The following CACNA2D3 variants were observed in gnomAD, a reference collection of about 807,000 sequenced individuals.
The protein encoded by CACNA2D3 is calcium voltage-gated channel auxiliary subunit alpha2delta 3.
A neutral mutation model predicts 160.6 loss-of-function variants in CACNA2D3; 60 were observed. That is an observed-to-expected ratio of 0.37 (90% CI 0.30 to 0.46). The LOEUF is 0.46. Among genes scored for constraint, CACNA2D3 ranks in the 20% least tolerant of loss-of-function variants. The pLI is 1.00. For missense variants in CACNA2D3, 1,205 were observed against 1,365.0 expected, an observed-to-expected ratio of 0.88 and a Z score of 1.85; for synonymous variants, 558 against 492.9, an observed-to-expected ratio of 1.13 and a Z score of -1.75.
intron 31 of CACNA2D3, among the ~76,000 whole-genome samples, chr3:54,997,531 T>G (rs1424134945): frequency 6.6e-6 from 1 of 151,802 alleles, no homozygotes; most frequent in Non-Finnish European, 1.5e-5. Context: ...ATCCAGCACG[T>G]GAAACCTCAT....
intron 4 of CACNA2D3, among the ~76,000 whole-genome samples, chr3:54,486,635 T>C (rs1212380993): frequency 2.6e-5 from 4 of 152,168 alleles, no homozygotes; most frequent in African/African-American, 9.7e-5. Context: ...AGAAGAATGA[T>C]CTCTGTGTGG....
chr3:54,755,032 T>C (rs1287325562), intron 12 of CACNA2D3, among the ~76,000 whole-genome samples: 2 of 152,204 alleles, frequency 1.3e-5, no homozygotes, highest in African/African-American at 2.4e-5. Flanking sequence ...TAGATAGACC[T>C]TCCGTACTAT....
At chr3:54,227,201 A>G (rs1215098549) in intron 2 of CACNA2D3, among the ~76,000 whole-genome samples, 1 of 150,212 alleles carries the variant, frequency 6.7e-6, no homozygotes, top group East Asian at 1.9e-4. Context: ...GGGGTTAACA[A>G]TATGTTACTG....
At chr3:54,871,472 A>T in intron 17 of CACNA2D3, 67 bp from the exon 18 acceptor site, 2 of 1,229,620 alleles carry the variant, frequency 1.6e-6, no homozygotes, top group Non-Finnish European at 2.4e-6. Flanking sequence ...GGGAAGGTAA[A>T]GATTGCCCTG....
chr3:54,424,242 C>G (rs925034364), intron 4 of CACNA2D3, among the ~76,000 whole-genome samples: 2 of 152,180 alleles, frequency 1.3e-5, no homozygotes, highest in African/African-American at 4.8e-5. Context: ...GCTATGGGAC[C>G]TTCCCACAGC....
chr3:54,707,138 A>G (rs765546522), intron 11 of CACNA2D3, among the ~76,000 whole-genome samples: 22 of 152,234 alleles, frequency 1.4e-4, no homozygotes, highest in Non-Finnish European at 2.6e-4. Flanking sequence ...TATTGTCATT[A>G]GAGCATTTCC....
At chr3:54,354,232 G>A (rs1320621154) in intron 3 of CACNA2D3, among the ~76,000 whole-genome samples, 2 of 152,136 alleles carry the variant, frequency 1.3e-5, no homozygotes, top group Non-Finnish European at 2.9e-5. Context: ...CACTTTATGA[G>A]TCTGCTGCAA....
At chr3:54,750,288 A>G (rs998260739) in intron 11 of CACNA2D3, among the ~76,000 whole-genome samples, 1 of 152,068 alleles carries the variant, frequency 6.6e-6, no homozygotes, top group African/African-American at 2.4e-5. Flanking sequence ...ATGAAGATAG[A>G]CTCATAGCTT....
chr3:54,806,013 TA>T (rs1703111683), intron 13 of CACNA2D3, among the ~76,000 whole-genome samples: 2 of 152,268 alleles, frequency 1.3e-5, no homozygotes, highest in East Asian at 3.9e-4. Context: ...CCCTTCATGC[TA>T]AAAACTCTCA....
intron 35 of CACNA2D3, among the ~76,000 whole-genome samples, chr3:55,067,716 GATACATAC>G (rs59985203): frequency 6.8e-4 from 103 of 151,204 alleles, no homozygotes; most frequent in Non-Finnish European, 9.7e-4. Flanking sequence ...CCATGCATTA[GATACATAC>G]ATACATACAT....
At chr3:54,485,664 A>G (rs376932464) in intron 4 of CACNA2D3, among the ~76,000 whole-genome samples, 3 of 152,018 alleles carry the variant, frequency 2.0e-5, no homozygotes, top group East Asian at 3.9e-4. Flanking sequence ...CCTGGGTTCA[A>G]GCAATTCTTC....
At chr3:54,867,236 T>C (rs1477511158) in intron 17 of CACNA2D3, among the ~76,000 whole-genome samples, 1 of 151,884 alleles carries the variant, frequency 6.6e-6, no homozygotes, top group Non-Finnish European at 1.5e-5. Flanking sequence ...GGCATGGGAG[T>C]TGGACATATG....
rs59080449 is a variant in CACNA2D3 at position 54,371,328 on chromosome 3, T to A, written c.322-15387T>A. Reference sequence around the variant, plus strand: ...ACCATTTTACATTTCTAGGAACACTTTACTATGAGAAAATAGGGTGATATT... The same window carrying A: ...ACCATTTTACATTTCTAGGAACACTATACTATGAGAAAATAGGGTGATATT... On this transcript the variant is annotated intron_variant, in intron 3 of 37. Coordinates refer to ENST00000474759, the MANE Select transcript of CACNA2D3 (RefSeq NM_018398.3). Among the ~76,000 whole-genome samples, 589 of 152,282 alleles carry A rather than the reference T, an allele frequency of 3.9e-3. 18 individuals carry two copies. The East Asian group carries it at 0.079, about 20-fold the overall frequency.
intron 4 of CACNA2D3, among the ~76,000 whole-genome samples, chr3:54,413,402 AT>A (rs1559474735): frequency 1.4e-5 from 2 of 147,158 alleles, no homozygotes; most frequent in East Asian, 3.9e-4. Context: ...ATATATCTAT[AT>A]ATATCTATAT....
At chr3:54,772,442 T>C (rs911239153) in intron 13 of CACNA2D3, among the ~76,000 whole-genome samples, 1 of 152,116 alleles carries the variant, frequency 6.6e-6, no homozygotes, top group African/African-American at 2.4e-5. Context: ...GAACAGAAGC[T>C]GAGTTTGGGT....
chr3:54,445,555 T>C lies in CACNA2D3; in HGVS notation c.382-57937T>C, dbSNP rs1009671186. On this transcript the variant is annotated intron_variant, in intron 4 of 37. Transcript: ENST00000474759. The stretch of plus-strand genomic sequence containing the variant: ...TATGTATACTTTTTATTTCTATGTA[T>C]ACACACACACACACACACACACACA... Among the ~76,000 whole-genome samples the C allele has an allele frequency of 2.3e-4, 34 of 147,224 alleles. No individual in the cohort carries two copies. In the East Asian group the frequency reaches 3.0e-3, roughly 13 times the overall value.
intron 12 of CACNA2D3, among the ~76,000 whole-genome samples, chr3:54,755,083 T>C (rs999165069): frequency 1.3e-5 from 2 of 152,230 alleles, no homozygotes; most frequent in Non-Finnish European, 2.9e-5. Context: ...ATACCATGCA[T>C]GCCCATCCAT....
chr3:54,856,364 T>C (rs1316830162), intron 17 of CACNA2D3, among the ~76,000 whole-genome samples: 1 of 152,140 alleles, frequency 6.6e-6, no homozygotes, highest in East Asian at 1.9e-4. Context: ...TCCAGCATGC[T>C]TGGGAGCAGC....
At chr3:55,045,100 A>T (rs1348306137) in intron 35 of CACNA2D3, among the ~76,000 whole-genome samples, 1 of 152,144 alleles carries the variant, frequency 6.6e-6, no homozygotes, top group African/African-American at 2.4e-5. Flanking sequence ...CCAGGCTGGC[A>T]TGCAGTGGTA....
Sources: gnomAD v4.1 joint callset for allele counts (sites outside exome capture counted in the v4.1 genomes callset) on GRCh38, gnomAD v4.1.1 for gene constraint, MANE v1.5 for transcripts, NCBI Gene and HGNC (gene_info 2026-07-23, HGNC 2026-07-21) for gene names.